Variants in ANKRD13D observed in about 807,000 individuals in gnomAD.
The protein encoded by ANKRD13D is ankyrin repeat domain 13D.
A neutral mutation model predicts 68.8 loss-of-function variants in ANKRD13D; 24 were observed. The observed-to-expected ratio is 0.35, with a 90% CI of 0.25 to 0.49. The LOEUF (loss-of-function observed/expected upper bound fraction) is 0.49. ANKRD13D is among the 20% of genes least tolerant of loss of function. The pLI is 0.99. For synonymous variants in ANKRD13D, 331 were observed against 336.1 expected, an observed-to-expected ratio of 0.98 and a Z score of 0.16; for missense variants, 735 against 832.1, an observed-to-expected ratio of 0.88 and a Z score of 1.44.
In ANKRD13D at chr11:67,300,844, G is replaced by A; in HGVS notation, c.1074-146G>A. ...GTGGCCAGGACACCAGCTCCCGGGGGAGGCGGGCAGCGGCATCTGAGCAGA... is the reference window on the plus strand; with the variant it reads ...GTGGCCAGGACACCAGCTCCCGGGGAAGGCGGGCAGCGGCATCTGAGCAGA... On this transcript the variant is annotated intron_variant, in intron 10 of 14. Coordinates refer to ENST00000511455, the MANE Select transcript of ANKRD13D (RefSeq NM_207354.3). This position sits in a 1 kb window ranked among gnomAD's most constrained non-coding sequence, Gnocchi z 4.3. 1 of 1,017,660 alleles carries A rather than the reference G, an allele frequency of 9.8e-7. No individual in the cohort carries two copies. The highest frequency in any genetic ancestry group is 1.7e-5 in the South Asian group (1 of 59,222). 63.0% of individuals were successfully genotyped at this position (1,017,660 alleles called of 1,614,324 possible).
intron 1 of ANKRD13D, 164 bp from the exon 2 acceptor site, chr11:67,289,914 C>T: frequency 1.4e-6 from 2 of 1,442,372 alleles, no homozygotes; most frequent in Non-Finnish European, 1.8e-6. Flanking sequence ...TTCCCTCCTG[C>T]CCCCTCCTCT....
chr11:67,290,168 C>T lies in ANKRD13D; in HGVS notation c.181C>T (p.Arg61Ter). The T allele has an allele frequency of 6.5e-7, 1 of 1,537,324 alleles. No homozygotes were observed. Among genetic ancestry groups the T allele is most frequent in the Non-Finnish European group, 8.7e-7 (1 of 1,146,898 alleles). The change falls in exon 2 of 15, where the codon CGA becomes TGA. Residue 61 changes from arginine to a stop codon, truncating the protein, a stop_gained. Coordinates refer to ENST00000511455, the MANE Select transcript of ANKRD13D (RefSeq NM_207354.3). LOFTEE classifies it high-confidence loss of function. ...GNLESVRVLL[R>*]HNANVGKENR... ...CCTGGAGTCTGTGAGAGTGCTCCTT[C>T]GACACAATGCCAACGTGGGCAAAGA...
chr11:67,294,633 T>C (rs1860695906), intron 6 of ANKRD13D, among the ~76,000 whole-genome samples: 1 of 151,674 alleles, frequency 6.6e-6, no homozygotes, highest in Admixed American at 6.6e-5. Flanking sequence ...CTCCACCTCC[T>C]GGGTTCAAGC....
chr11:67,290,275 G>C (rs1390080940), intron 2 of ANKRD13D, 47 bp from the exon 3 acceptor site: 5 of 1,546,720 alleles, frequency 3.2e-6, no homozygotes, highest in Non-Finnish European at 4.4e-6. Context: ...GAGCAGCCAG[G>C]CCTGGGGTCA....
At position 67,300,169 on chromosome 11, in the gene ANKRD13D, C is replaced by T; in HGVS notation, c.1073+46C>T. On this transcript the variant is annotated intron_variant, in intron 10 of 14. Coordinates refer to ENST00000511455, the MANE Select transcript of ANKRD13D (RefSeq NM_207354.3). This position sits in a 1 kb window ranked among gnomAD's most constrained non-coding sequence, Gnocchi z 4.3. ...GGGGACTTGCCTCGGGACAAGGGCT[C>T]TTGCAGACCCCTCTCTGGGCCTGTC... The T allele has an allele frequency of 6.2e-7, 1 of 1,609,644 alleles. No homozygotes were observed.
At position 67,299,264 on chromosome 11, in the gene ANKRD13D, A is replaced by G; in HGVS notation, c.798+140A>G. The G allele has an allele frequency of 9.5e-7, 1 of 1,057,330 alleles. No individual in the cohort carries two copies. The highest frequency in any genetic ancestry group is 1.4e-6 in the Non-Finnish European group (1 of 710,132). The allele number at this position is 1,057,330 out of a possible 1,614,324, so 65.5% of individuals were successfully genotyped here. ...GGGAACTCAGCGGGCCTGAGTGCCC[A>G]GCCCCTGCGGAGTACACAGGGCTCA... is the stretch of plus-strand genomic sequence containing the variant. On this transcript the variant is annotated intron_variant, in intron 7 of 14. Transcript: ENST00000511455. The surrounding 1 kb of genome is among the most constrained non-coding windows in gnomAD (Gnocchi z 6.2).
In ANKRD13D at chr11:67,302,378, T is replaced by C. The variant is rs1470602963; in HGVS notation, c.*46T>C. 1 of 1,447,856 alleles carries C rather than the reference T, an allele frequency of 6.9e-7. No homozygotes were observed. The highest frequency in any genetic ancestry group is 1.4e-5 in the African/African-American group (1 of 69,722). The allele number at this position is 1,447,856 out of a possible 1,614,324, so 89.7% of individuals were successfully genotyped here. A position where few individuals can be genotyped will look rare whatever the true frequency, so the allele number is the denominator to read the frequency against. On this transcript the variant is annotated 3_prime_UTR_variant, in exon 15 of 15. Coordinates refer to ENST00000511455, the MANE Select transcript of ANKRD13D (RefSeq NM_207354.3). ...GGCCAGGCCACTCCCTGCCCGCTTT[T>C]GTAATTTATTTATTTATAAACTCTC...
At position 67,300,884 on chromosome 11, in the gene ANKRD13D, G is replaced by A; in HGVS notation, c.1074-106G>A. On this transcript the variant is annotated intron_variant, in intron 10 of 14. Coordinates refer to ENST00000511455, the MANE Select transcript of ANKRD13D (RefSeq NM_207354.3). The surrounding 1 kb of genome is among the most constrained non-coding windows in gnomAD (Gnocchi z 4.3). ...ATCTGAGCAGAGCAGGGCACTCCAG[G>A]CCAGGCAGAAGGTGGGTAAAGGCAG... 2.8e-6 allele frequency: 4 copies of A among 1,421,092 alleles called. No homozygotes were observed. Among genetic ancestry groups the A allele is most frequent in the South Asian group, 1.3e-5 (1 of 75,674 alleles). The allele number at this position is 1,421,092 out of a possible 1,614,324, so 88.0% of individuals were successfully genotyped here. A position where few individuals can be genotyped will look rare whatever the true frequency, so the allele number is the denominator to read the frequency against.
In ANKRD13D at chr11:67,299,897, G is replaced by A. The variant is rs1860910589; in HGVS notation, c.942+9G>A. 1 of 1,551,290 alleles carries A rather than the reference G, an allele frequency of 6.4e-7. No homozygotes were observed. Among genetic ancestry groups the A allele is most frequent in the Non-Finnish European group, 8.7e-7 (1 of 1,147,068 alleles). ...ATTCCTCCCACACCGGGGTGAGCCG[G>A]GGCTGGGCCGAGACAGGGCTGGCGG... On this transcript the variant is annotated intron_variant, in intron 9 of 14. Coordinates refer to ENST00000511455, the MANE Select transcript of ANKRD13D (RefSeq NM_207354.3). This position sits in a 1 kb window ranked among gnomAD's most constrained non-coding sequence, Gnocchi z 6.2.
At position 67,300,149 on chromosome 11, in the gene ANKRD13D, C is replaced by G. The variant is rs1414107327; in HGVS notation, c.1073+26C>G. 1 of 1,612,778 alleles carries G rather than the reference C, an allele frequency of 6.2e-7. No homozygotes were observed. The highest frequency in any genetic ancestry group is 1.3e-5 in the African/African-American group (1 of 74,906). On this transcript the variant is annotated intron_variant, in intron 10 of 14. Transcript: ENST00000511455. This position sits in a 1 kb window ranked among gnomAD's most constrained non-coding sequence, Gnocchi z 4.3. ...GTGAGGTCTGAGAGCTGGCTGGGGA[C>G]TTGCCTCGGGACAAGGGCTCTTGCA...
chr11:67,300,305 A>C lies in ANKRD13D; in HGVS notation c.1073+182A>C. 1 of 801,124 alleles carries C rather than the reference A, an allele frequency of 1.2e-6. No homozygotes were observed. The highest frequency in any genetic ancestry group is 1.9e-6 in the Non-Finnish European group (1 of 534,428). The allele number at this position is 801,124 out of a possible 1,614,324, so 49.6% of individuals were successfully genotyped here. On this transcript the variant is annotated intron_variant, in intron 10 of 14. Coordinates refer to ENST00000511455, the MANE Select transcript of ANKRD13D (RefSeq NM_207354.3). The surrounding 1 kb of genome is among the most constrained non-coding windows in gnomAD (Gnocchi z 4.3). ...CTCAGCCCTTAGCAAGGGGCTTGGC[A>C]CAGAAAACCGGTAGTTTGTCTTTGA...
At chr11:67,291,394 G>C (rs1280588911) in intron 3 of ANKRD13D, 82 bp from the exon 4 acceptor site, 4 of 1,451,904 alleles carry the variant, frequency 2.8e-6, no homozygotes, top group African/African-American at 1.4e-5. Context: ...GAAGGGCTGG[G>C]CTGGCTGTGG....
In ANKRD13D at chr11:67,290,447, G is replaced by A; in HGVS notation, c.351+1G>A. On this transcript the variant is annotated splice_donor_variant, in intron 3 of 14. Coordinates refer to ENST00000511455, the MANE Select transcript of ANKRD13D (RefSeq NM_207354.3). LOFTEE classifies it high-confidence loss of function. ...GGAACTGCTCAACAAACTTCGCCAG[G>A]TACAGCAGGGCACAGTTATGGAGGT... The A allele has an allele frequency of 1.9e-6, 3 of 1,576,764 alleles. No individual in the cohort carries two copies. Among genetic ancestry groups the A allele is most frequent in the Non-Finnish European group, 2.6e-6 (3 of 1,162,102 alleles).
At position 67,290,415 on chromosome 11, in the gene ANKRD13D, G is replaced by A. The variant is rs1860485104; in HGVS notation, c.320G>A (p.Gly107Asp). Residue 107 changes from glycine (G) to aspartate (D), a missense_variant, in exon 3 of 15, where the codon GGC becomes GAC. By Grantham distance (94) the Gly-to-Asp change is moderately conservative. Coordinates refer to ENST00000511455, the MANE Select transcript of ANKRD13D (RefSeq NM_207354.3). The stretch of plus-strand genomic sequence containing the variant: ...CAGAGGGCCACGCAGAGGCTGGCGG[G>A]CATTCCGGAACTGCTCAACAAACTT... ...DYQRATQRLAGIPELLNKLRQ... is the reference protein window; with the variant it reads ...DYQRATQRLADIPELLNKLRQ... The A allele has an allele frequency of 6.3e-7, 1 of 1,590,180 alleles. No homozygotes were observed. The highest frequency in any genetic ancestry group is 8.5e-7 in the Non-Finnish European group (1 of 1,169,924).
Position 67,301,231 on chromosome 11 carries a change from G to A in ANKRD13D, c.1232-51G>A, listed in dbSNP as rs747378704. Reference sequence around the variant, plus strand: ...AGTCCCTGGAGAGCTGCAGGGGCCGGAGGCACAGGTGGCTCTCCGCCAGGG... The same window carrying A: ...AGTCCCTGGAGAGCTGCAGGGGCCGAAGGCACAGGTGGCTCTCCGCCAGGG... On this transcript the variant is annotated intron_variant, in intron 11 of 14. Transcript: ENST00000511455. The surrounding 1 kb of genome is among the most constrained non-coding windows in gnomAD (Gnocchi z 4.5). 2.5e-6 allele frequency: 4 copies of A among 1,596,074 alleles called. No individual in the cohort carries two copies. The highest frequency in any genetic ancestry group is 1.7e-5 in the Admixed American group (1 of 58,902).
In ANKRD13D at chr11:67,302,457, A is replaced by G. The variant is rs1861054318; in HGVS notation, c.*125A>G. On this transcript the variant is annotated 3_prime_UTR_variant, in exon 15 of 15. Coordinates refer to ENST00000511455, the MANE Select transcript of ANKRD13D (RefSeq NM_207354.3). ...AGGAATGAGCAGGCAGGGGAGACTGAGATGGAAATAAAGAGACTGTCGCAG... is the reference window on the plus strand; with the variant it reads ...AGGAATGAGCAGGCAGGGGAGACTGGGATGGAAATAAAGAGACTGTCGCAG... The G allele has an allele frequency of 1.5e-6, 2 of 1,350,986 alleles. No individual in the cohort carries two copies. The highest frequency in any genetic ancestry group is 5.1e-5 in the East Asian group (2 of 38,880). The allele number at this position is 1,350,986 out of a possible 1,614,324, so 83.7% of individuals were successfully genotyped here. A position where few individuals can be genotyped will look rare whatever the true frequency, so the allele number is the denominator to read the frequency against.
chr11:67,298,693 C>T (rs1245093604), intron 6 of ANKRD13D: 6 of 219,962 alleles, frequency 2.7e-5, no homozygotes, highest in Non-Finnish European at 2.8e-5. Context: ...CTGAATCTAT[C>T]CTTCCTTACC....
intron 3 of ANKRD13D, chr11:67,290,790 G>A (rs1860503020): frequency 1.6e-5 from 4 of 247,304 alleles, no homozygotes; most frequent in Middle Eastern, 3.0e-3. Flanking sequence ...CACACGGAGG[G>A]GCCTGGCTGG....
In ANKRD13D at chr11:67,302,103, C is replaced by G. The variant is rs1861032269; in HGVS notation, c.1605-16C>G. The G allele has an allele frequency of 6.5e-7, 1 of 1,541,044 alleles. No homozygotes were observed. The highest frequency in any genetic ancestry group is 8.8e-7 in the Non-Finnish European group (1 of 1,141,086). ...GCTCACTGGCCTGTTCTTCCCTCCC[C>G]TGCCCTGCCTGGAAGGGCCCTCCAG... On this transcript the variant is annotated splice_polypyrimidine_tract_variant and intron_variant, in intron 14 of 14. Transcript: ENST00000511455.
Sources: gnomAD v4.1 joint callset for allele counts (sites outside exome capture counted in the v4.1 genomes callset) on GRCh38, gnomAD v4.1.1 for gene constraint, Gnocchi (gnomAD v3.1) non-coding constraint, MANE v1.5 for transcripts, NCBI Gene and HGNC (gene_info 2026-07-23, HGNC 2026-07-21) for gene names.